Variants in OBSL1 observed in about 807,000 individuals in gnomAD.
OBSL1 encodes obscurin like cytoskeletal adaptor 1.
OBSL1 carries 160 observed loss-of-function variants against 172.0 expected under a neutral mutation model. The ratio of observed to expected loss-of-function variants is 0.93; its 90% CI spans 0.82 to 1.06. OBSL1 has a LOEUF of 1.06. Among genes scored for constraint, OBSL1 ranks in the 50% least tolerant of loss-of-function variants. OBSL1 has a pLI of 0.00. For synonymous variants in OBSL1, 1,200 were observed against 1,196.3 expected (o/e 1.00, Z -0.06); for missense variants, 2,681 against 2,715.4 (o/e 0.99, Z 0.28).
intron 14 of OBSL1, 174 bp downstream of exon 14, chr2:219,555,846 A>C: frequency 2.1e-6 from 3 of 1,424,442 alleles, no homozygotes; most frequent in Non-Finnish European, 2.8e-6. Context: ...AAGGTAAATA[A>C]AAAATATTAG....
chr2:219,561,602 G>A (rs896170913), intron 8 of OBSL1: 4 of 466,264 alleles, frequency 8.6e-6, no homozygotes, highest in Admixed American at 3.4e-5. Flanking sequence ...CCGTGTCTGC[G>A]TGCTGCTGGC....
chr2:219,552,546 G>C lies in OBSL1; in HGVS notation c.5298C>G (p.Ile1766Met). The C allele has an allele frequency of 6.3e-7, 1 of 1,596,578 alleles. No homozygotes were observed. The highest frequency in any genetic ancestry group is 1.1e-5 in the South Asian group (1 of 90,292). Residue 1766 changes from isoleucine (I) to methionine (M), a missense_variant, in exon 18 of 21, where the codon ATC (isoleucine) becomes ATG (methionine). Transcript: ENST00000404537. ...RPLRPGARVR[I>M]RQEGKKHILV... ...ACCAGGCGGGCAGACCTTCCTGTCG[G>C]ATGCGGACGCGGGCTCCGGGTCTCA...
Position 219,552,633 on chromosome 2 carries a change from C to G in OBSL1, c.5211G>C (p.Thr1737=). The G allele has an allele frequency of 2.1e-5, 32 of 1,560,026 alleles. No individual in the cohort carries two copies. Among genetic ancestry groups the G allele is most frequent in the Non-Finnish European group, 2.8e-5 (32 of 1,158,032 alleles). ...SVSAREGDGA[T]FECTVSEVET... The stretch of plus-strand genomic sequence containing the variant: ...CGACCTCCGACACGGTGCACTCGAA[C>G]GTAGCGCCGTCGCCTTCGCGGGCGC... Residue 1737 remains threonine, a synonymous_variant, in exon 18 of 21, where the codon ACG becomes ACC. Transcript: ENST00000404537.
Position 219,557,851 on chromosome 2 carries a change from T to G in OBSL1, c.3762A>C (p.Pro1254=). Residue 1254 remains proline (P), a synonymous_variant, in exon 11 of 21, where the codon CCA becomes CCC. Coordinates refer to ENST00000404537, the MANE Select transcript of OBSL1 (RefSeq NM_015311.3). ...CCACCTGGACGGTGAAGCTGAGGCT[T>G]GGGGCTCCGGGGGCTGCTCCAGACT... The part of the protein sequence containing the change: ...TCQSGAAPGA[P]SLSFTVQVAE... The G allele has an allele frequency of 6.2e-7, 1 of 1,600,042 alleles. No individual in the cohort carries two copies. Among genetic ancestry groups the G allele is most frequent in the Non-Finnish European group, 8.5e-7 (1 of 1,179,446 alleles).
At position 219,567,799 on chromosome 2, in the gene OBSL1, G is replaced by A; in HGVS notation, c.1453C>T (p.Pro485Ser). 1 of 1,613,984 alleles carries A rather than the reference G, an allele frequency of 6.2e-7. No individual in the cohort carries two copies. The highest frequency in any genetic ancestry group is 8.5e-7 in the Non-Finnish European group (1 of 1,179,882). ...SSGHMHALVL[P>S]GVTREDAGEV... ...CCAGCATCCTCTCGGGTGACCCCTG[G>A]AAGGACCAGGGCATGCATGTGGCCT... is the stretch of plus-strand genomic sequence containing the variant. The change falls in exon 3 of 21, where the codon CCA (proline) becomes TCA (serine). Residue 485 changes from proline (P) to serine (S), a missense_variant. This residue lies in a region of OBSL1 where 706 missense variants were observed against 695.8 expected (regional missense o/e 1.01). Coordinates refer to ENST00000404537, the MANE Select transcript of OBSL1 (RefSeq NM_015311.3).
rs764044070 is a variant in OBSL1, at chr2:219,568,026, C to T, written c.1282+29G>A. ...AATCTGAGCACCTGCCTGCCTCCGCCTCAGCCTCTTCCCCACGGGCCAGCT... is the reference window on the plus strand; with the variant it reads ...AATCTGAGCACCTGCCTGCCTCCGCTTCAGCCTCTTCCCCACGGGCCAGCT... On this transcript the variant is annotated intron_variant, in intron 2 of 20. Coordinates refer to ENST00000404537, the MANE Select transcript of OBSL1 (RefSeq NM_015311.3). This position sits in a 1 kb window ranked among gnomAD's most constrained non-coding sequence, Gnocchi z 4.1. 5.7e-5 allele frequency: 92 copies of T among 1,608,916 alleles called. No homozygotes were observed. Among genetic ancestry groups the T allele is most frequent in the Non-Finnish European group, 7.5e-5 (88 of 1,175,956 alleles).
At position 219,565,322 on chromosome 2, in the gene OBSL1, G is replaced by C. The variant is rs371579379; in HGVS notation, c.2327C>G (p.Pro776Arg). The C allele has an allele frequency of 1.4e-5, 22 of 1,613,924 alleles. No individual in the cohort carries two copies. In the Middle Eastern group the frequency reaches 4.9e-4, roughly 36 times the overall value. ...GCCACTGTCCTGGACTTTGGCCTCA[G>C]GCAGGATCAGACGGTGTTTGCGCCC... ...MDGRKHRLIL[P>R]EAKVQDSGEF... Residue 776 changes from proline (P) to arginine (R), a missense_variant, in exon 6 of 21, where the codon CCT (proline) becomes CGT (arginine). This residue lies in a region of OBSL1 where 1,765 missense variants were observed against 1,748.3 expected (regional missense o/e 1.01). Transcript: ENST00000404537.
At chr2:219,552,414 C>A in intron 18 of OBSL1, 122 bp downstream of exon 18, 1 of 1,037,870 alleles carries the variant, frequency 9.6e-7, no homozygotes. Context: ...AGGGACGAGG[C>A]TCACAGGGCC....
chr2:219,561,163 G>C (rs1377129016), intron 8 of OBSL1, among the ~76,000 whole-genome samples: 1 of 152,128 alleles, frequency 6.6e-6, no homozygotes, highest in Non-Finnish European at 1.5e-5. Context: ...GGAGCAGGGG[G>C]GCCCTAAACA....
In OBSL1 at chr2:219,571,416, TGCG is replaced by T. The variant is rs949845983; in HGVS notation, c.-187_-185del. ...TACCCTCGGCCCCGAGCTGCAGCTC[TGCG>T]GCGGCGGCGGCGGCGATTCCCGGGC... On this transcript the variant is annotated 5_prime_UTR_variant, in exon 1 of 21. Transcript: ENST00000404537. 81 of 346,574 alleles carry T rather than the reference TGCG, an allele frequency of 2.3e-4. No individual in the cohort carries two copies. Among genetic ancestry groups the T allele is most frequent in the South Asian group, 5.3e-4 (4 of 7,478 alleles). The allele number at this position is 346,574 out of a possible 1,614,324, so 21.5% of individuals were successfully genotyped here.
chr2:219,557,274 G>C, intron 12 of OBSL1, 69 bp downstream of exon 12: 9 of 1,394,516 alleles, frequency 6.5e-6, no homozygotes, highest in Non-Finnish European at 8.5e-6. Flanking sequence ...AGGAGTAAGG[G>C]GGCCCTAGAA....
chr2:219,559,108 G>T, intron 9 of OBSL1, 117 bp downstream of exon 9: 2 of 1,030,854 alleles, frequency 1.9e-6, no homozygotes, highest in Non-Finnish European at 1.4e-6. Flanking sequence ...GGCCAAACAT[G>T]AGGAAGCTGG....
At chr2:219,563,815 T>A (rs960259145) in intron 6 of OBSL1, among the ~76,000 whole-genome samples, 188 bp from the exon 7 acceptor site, 1 of 151,760 alleles carries the variant, frequency 6.6e-6, no homozygotes, top group Non-Finnish European at 1.5e-5. Context: ...TGGCAGGAGA[T>A]CATGTGGCAC....
At position 219,566,832 on chromosome 2, in the gene OBSL1, T is replaced by C; in HGVS notation, c.2132A>G (p.Gln711Arg). ...CTCAGGTCCCCACTGGCACCAACCT[T>C]GGATTGTGAGGGCAGCTGAGTCCTG... ...GVQDSAALTI[Q>R]ESPVHILSPQ... Residue 711 changes from glutamine (Q) to arginine (R), a missense_variant and splice_region_variant, in exon 5 of 21, where the codon CAA (glutamine) becomes CGA (arginine). This residue lies in a region of OBSL1 where 1,765 missense variants were observed against 1,748.3 expected (regional missense o/e 1.01). Transcript: ENST00000404537. 6.3e-7 allele frequency: 1 copy of C among 1,576,248 alleles called. No homozygotes were observed. Among genetic ancestry groups the C allele is most frequent in the South Asian group, 1.1e-5 (1 of 87,084 alleles).
Position 219,558,003 on chromosome 2 carries a change from CG to C in OBSL1, c.3609del (p.Val1204TrpfsTer16), listed in dbSNP as rs1696160132. 1.2e-6 allele frequency: 2 copies of C among 1,612,380 alleles called. No homozygotes were observed. Among genetic ancestry groups the C allele is most frequent in the Non-Finnish European group, 1.7e-6 (2 of 1,179,546 alleles). ...GGCCTCCCATTGTGGCTCCAGACCA[CG>C]GGGGCGCCAGCCCGGGACAGTTCAC... The part of the protein sequence containing the change: ...LSCELSRAGA[P>X]VVWSHNGRPV... On this transcript the variant is annotated frameshift_variant, in exon 11 of 21. Transcript: ENST00000404537. LOFTEE classifies it high-confidence loss of function.
rs1366371991 is a variant in OBSL1 at position 219,552,817 on chromosome 2, C to G, written c.5146+51G>C. ...TCAGGGTCCGGGGAAGACAGCTCCGCAAGTCTCGCGCCCAAAGCAGTGCCC... is the reference window on the plus strand; with the variant it reads ...TCAGGGTCCGGGGAAGACAGCTCCGGAAGTCTCGCGCCCAAAGCAGTGCCC... On this transcript the variant is annotated intron_variant, in intron 17 of 20. Coordinates refer to ENST00000404537, the MANE Select transcript of OBSL1 (RefSeq NM_015311.3). 3 of 1,534,822 alleles carry G rather than the reference C, an allele frequency of 2.0e-6. No individual in the cohort carries two copies. In the African/African-American group the frequency reaches 4.2e-5, roughly 21 times the overall value.
chr2:219,555,867 G>A, intron 14 of OBSL1, 153 bp downstream of exon 14: 1 of 1,444,400 alleles, frequency 6.9e-7, no homozygotes, highest in Non-Finnish European at 9.1e-7. Context: ...AAAAAGAAAA[G>A]TTTTGCTTTG....
At chr2:219,552,083 T>G (rs1306935936) in intron 19 of OBSL1, 29 bp downstream of exon 19, 1 of 1,563,160 alleles carries the variant, frequency 6.4e-7, no homozygotes, top group South Asian at 1.2e-5. Context: ...GGATGTACAC[T>G]CTCTGTCGCT....
chr2:219,557,571 G>A lies in OBSL1; in HGVS notation c.3838C>T (p.Arg1280Trp), dbSNP rs1027873449. Residue 1280 changes from arginine (R) to tryptophan (W), a missense_variant, in exon 12 of 21, where the codon CGG (arginine) becomes TGG (tryptophan). By Grantham distance (101) the Arg-to-Trp change is moderately radical. Coordinates refer to ENST00000404537, the MANE Select transcript of OBSL1 (RefSeq NM_015311.3). ...TCTAGGTCCCCGCCTGGGGTGCTCC[G>A]AACCCTCGTCTGGGCTGCCTCGGGA... is the stretch of plus-strand genomic sequence containing the variant. ...VAPEAAQTRV[R>W]STPGGDLELV... is the part of the protein sequence containing the mutation. 10 of 1,550,010 alleles carry A rather than the reference G, an allele frequency of 6.5e-6. No individual in the cohort carries two copies. The highest frequency in any genetic ancestry group is 2.4e-5 in the East Asian group (1 of 41,078).
Sources: allele counts gnomAD v4.1 joint callset (sites outside exome capture counted in the v4.1 genomes callset), GRCh38; gene constraint gnomAD v4.1.1; regional missense constraint gnomAD v4.1.1; non-coding constraint Gnocchi (gnomAD v3.1); transcripts MANE v1.5; gene names NCBI Gene and HGNC (gene_info 2026-07-23, HGNC 2026-07-21).